The following TESPA1 variants were observed in gnomAD, a reference collection of about 807,000 sequenced individuals.
TESPA1 encodes the protein thymocyte expressed, positive selection associated 1.
In TESPA1, 33 loss-of-function variants were observed where a neutral mutation model predicts 57.9. The ratio of observed to expected loss-of-function variants is 0.57; its 90% confidence interval spans 0.43 to 0.76. The LOEUF is 0.76. TESPA1 is among the 30% of genes least tolerant of loss of function. The pLI is 0.00. For missense variants in TESPA1, 618 were observed against 632.9 expected, an observed-to-expected ratio of 0.98 and a Z score of 0.25; for synonymous variants, 227 against 228.9, an observed-to-expected ratio of 0.99 and a Z score of 0.07.
intron 10 of TESPA1, 30 bp downstream of exon 10, chr12:54,961,138 T>G: frequency 6.2e-7 from 1 of 1,612,792 alleles, no homozygotes; most frequent in Non-Finnish European, 8.5e-7. Context: ...GCAGCCAGGT[T>G]TGAGAACTGC....
intron 10 of TESPA1, among the ~76,000 whole-genome samples, chr12:54,960,498 C>G (rs1951006183): frequency 6.6e-6 from 1 of 152,210 alleles, no homozygotes; most frequent in South Asian, 2.1e-4. Flanking sequence ...ATTGAGGAGT[C>G]TGCTCTGAGT....
intron 1 of TESPA1, among the ~76,000 whole-genome samples, chr12:54,974,914 A>C (rs1015115356): frequency 6.6e-6 from 1 of 152,218 alleles, no homozygotes; most frequent in African/African-American, 2.4e-5. Context: ...GGTAATCGAA[A>C]TGCTGTATTA....
chr12:54,961,336 G>A, intron 9 of TESPA1, 69 bp from the exon 10 acceptor site: 1 of 1,564,728 alleles, frequency 6.4e-7, no homozygotes, highest in Non-Finnish European at 8.8e-7. Context: ...GGTGCAGGTG[G>A]CAGGTAGCTG....
chr12:54,957,420 A>C (rs1041052981), intron 10 of TESPA1, among the ~76,000 whole-genome samples: 6 of 152,196 alleles, frequency 3.9e-5, no homozygotes, highest in African/African-American at 1.4e-4. Context: ...GAACTGAAAA[A>C]AATTATCCCA....
At chr12:54,979,015 C>T (rs777107890) in intron 1 of TESPA1, among the ~76,000 whole-genome samples, 3 of 152,216 alleles carry the variant, frequency 2.0e-5, no homozygotes, top group Non-Finnish European at 4.4e-5. Context: ...GAAATTATCC[C>T]CAATTAGTAT....
At position 54,961,247 on chromosome 12, in the gene TESPA1, C is replaced by G; in HGVS notation, c.1488G>C (p.Glu496Asp). Residue 496 changes from glutamate to aspartate, a missense_variant, in exon 10 of 11, where the codon GAG becomes GAC. This residue lies in a region of TESPA1 where 409 missense variants were observed against 420.1 expected (regional missense o/e 0.97). Coordinates refer to ENST00000449076, the MANE Select transcript of TESPA1 (RefSeq NM_001136030.3). ...TGGGCCAGCGACTCTGACTCTGCTC[C>G]TCCTCACTGTTGCTTTGCACCTGTA... ...DLEEVQSNSEEEQSQSRWPSR... is the reference protein window; with the variant it reads ...DLEEVQSNSEDEQSQSRWPSR... 6.2e-7 allele frequency: 1 copy of G among 1,614,012 alleles called. No homozygotes were observed. The highest frequency in any genetic ancestry group is 8.5e-7 in the Non-Finnish European group (1 of 1,179,886).
chr12:54,953,668 G>A (rs58214668), intron 10 of TESPA1, among the ~76,000 whole-genome samples: 31,026 of 151,698 alleles, frequency 0.2, 5,401 homozygotes, highest in East Asian at 0.84. Flanking sequence ...ACAGGGACCC[G>A]CCACTACGCC....
At chr12:54,982,229 A>T (rs986442981) in intron 1 of TESPA1, among the ~76,000 whole-genome samples, 2 of 152,162 alleles carry the variant, frequency 1.3e-5, no homozygotes, top group Non-Finnish European at 2.9e-5. Flanking sequence ...ACCCTCTTCC[A>T]TGTCACTCAG....
rs368657051 is a variant in TESPA1 at position 54,950,520 on chromosome 12, T to TAGC, written c.*2-133_*2-131dup. 53 of 346,802 alleles carry TAGC rather than the reference T, an allele frequency of 1.5e-4. 1 individual carries two copies. The highest frequency in any genetic ancestry group is 1.1e-3 in the African/African-American group (51 of 46,624). 21.5% of individuals were successfully genotyped at this position (346,802 alleles called of 1,614,324 possible). ...TATTATAAGTGACATTTAAAGTTAT[T>TAGC]AGCAGCAGCAGCAAAGAGTCATGTG... On this transcript the variant is annotated intron_variant, in intron 10 of 10. Transcript: ENST00000449076.
chr12:54,972,220 A>T (rs1410469728), intron 3 of TESPA1, among the ~76,000 whole-genome samples: 2 of 152,232 alleles, frequency 1.3e-5, no homozygotes, highest in African/African-American at 4.8e-5. Context: ...GTGAAGAAAG[A>T]TGATTTCTAG....
At chr12:54,953,522 C>CTTTTTTTTTTTTTT (rs1178610425) in intron 10 of TESPA1, among the ~76,000 whole-genome samples, 5 of 135,378 alleles carry the variant, frequency 3.7e-5, no homozygotes, top group East Asian at 2.9e-4. Flanking sequence ...TTTTTATTTA[C>CTTTTTTTTTTTTTT]TTTTTTTTTT....
chr12:54,969,643 G>A (rs898243855), intron 3 of TESPA1, among the ~76,000 whole-genome samples: 2 of 152,068 alleles, frequency 1.3e-5, no homozygotes, highest in African/African-American at 4.8e-5. Context: ...TAATAAGAAT[G>A]AGTTACTGCT....
chr12:54,967,779 A>G (rs1267153199), intron 4 of TESPA1, 64 bp downstream of exon 4: 1 of 1,589,704 alleles, frequency 6.3e-7, no homozygotes, highest in African/African-American at 1.3e-5. Flanking sequence ...ACTCACATAC[A>G]CACACGCACA....
At chr12:54,964,741 G>A (rs543828690) in intron 7 of TESPA1, among the ~76,000 whole-genome samples, 7 of 152,296 alleles carry the variant, frequency 4.6e-5, no homozygotes, top group South Asian at 2.1e-4. Flanking sequence ...CTGGACGGTC[G>A]GAATCCCTGG....
intron 10 of TESPA1, among the ~76,000 whole-genome samples, chr12:54,955,222 T>TG (rs1950659307): frequency 6.6e-6 from 1 of 152,252 alleles, no homozygotes; most frequent in South Asian, 2.1e-4. Context: ...TGCACTTGTA[T>TG]GTCTTCTTTC....
rs1197251913 is a variant in TESPA1, at chr12:54,974,531, C to A, written c.32G>T (p.Trp11Leu). The change falls in exon 2 of 11, where the codon TGG (tryptophan) becomes TTG (leucine). Residue 11 changes from tryptophan to leucine, a missense_variant. Trp to Leu is a moderately conservative substitution (Grantham distance 61). This residue lies in a region of TESPA1 where 199 missense variants were observed against 184.0 expected (regional missense o/e 1.08). Coordinates refer to ENST00000449076, the MANE Select transcript of TESPA1 (RefSeq NM_001136030.3). MEASVLSPTS[W>L]EKRRAWLRQS... ...ACGGAGCCAGGCCCGCCGTTTCTCC[C>A]AGGATGTGGGGCTCAGCACAGAGGC... 4 of 1,599,686 alleles carry A rather than the reference C, an allele frequency of 2.5e-6. No individual in the cohort carries two copies. Among genetic ancestry groups the A allele is most frequent in the Non-Finnish European group, 2.6e-6 (3 of 1,173,166 alleles).
chr12:54,965,571 T>A (rs1032569772), intron 7 of TESPA1, among the ~76,000 whole-genome samples: 1 of 152,204 alleles, frequency 6.6e-6, no homozygotes, highest in African/African-American at 2.4e-5. Flanking sequence ...TGAACCACAT[T>A]TTCTTTATCC....
At chr12:54,972,616 T>C (rs554356029) in intron 3 of TESPA1, among the ~76,000 whole-genome samples, 7 of 152,304 alleles carry the variant, frequency 4.6e-5, no homozygotes, top group South Asian at 2.1e-4. Flanking sequence ...ATGAGAACAA[T>C]AGGTTTTTTC....
intron 6 of TESPA1, 59 bp downstream of exon 6, chr12:54,966,329 C>A (rs746900569): frequency 6.2e-7 from 1 of 1,610,208 alleles, no homozygotes; most frequent in South Asian, 1.1e-5. Flanking sequence ...CTTTGACCTA[C>A]CCCAATTCAC....
Sources: gnomAD v4.1 joint callset for allele counts (sites outside exome capture counted in the v4.1 genomes callset) on GRCh38, gnomAD v4.1.1 for gene constraint, gnomAD v4.1.1 regional missense constraint, MANE v1.5 for transcripts, NCBI Gene and HGNC (gene_info 2026-07-23, HGNC 2026-07-21) for gene names.